CDH18: variants seen among roughly 807,000 people sequenced by gnomAD.
CDH18 encodes cadherin-18.
Under a neutral mutation model 67.9 loss-of-function variants are expected in CDH18, and 31 were observed. The observed-to-expected ratio is 0.46, with a 90% CI of 0.34 to 0.62. CDH18 has a LOEUF of 0.62. Among genes scored for constraint, CDH18 ranks in the 20% least tolerant of loss-of-function variants. The pLI, the probability that CDH18 is intolerant of heterozygous loss-of-function variation, is 0.01. For missense variants in CDH18, 890 were observed against 975.5 expected, an observed-to-expected ratio of 0.91 and a Z score of 1.17; for synonymous variants, 362 against 347.2, an observed-to-expected ratio of 1.04 and a Z score of -0.48.
At chr5:19,586,978 A>G (rs770650529) in intron 7 of CDH18, among the ~76,000 whole-genome samples, 2 of 151,844 alleles carry the variant, frequency 1.3e-5, no homozygotes, top group Non-Finnish European at 2.9e-5. Flanking sequence ...GCTTTTTTTC[A>G]TATGTTTGTT....
rs184513202 is a variant in CDH18 at position 19,516,043 on chromosome 5, G to A, written c.1512+4614C>T. 2.4e-4 allele frequency among the ~76,000 whole-genome samples: 36 copies of A among 152,114 alleles called. No homozygotes were observed. In the East Asian group the frequency reaches 6.4e-3, roughly 27 times the overall value. ...ATTCCATCAATACCTAGTTTATTGA[G>A]AGTTTTTTAGCATGAAGGGCTGTTG... is the stretch of plus-strand genomic sequence containing the variant. On this transcript the variant is annotated intron_variant, in intron 10 of 12. Coordinates refer to ENST00000382275, the MANE Select transcript of CDH18 (RefSeq NM_004934.5).
intron 1 of CDH18, among the ~76,000 whole-genome samples, chr5:20,517,526 G>A (rs1489157513): frequency 1.3e-5 from 2 of 151,762 alleles, no homozygotes; most frequent in Admixed American, 6.6e-5. Context: ...AAAATACAAA[G>A]TAGACAATTA....
chr5:19,597,060 A>G (rs1428278542), intron 6 of CDH18, among the ~76,000 whole-genome samples: 1 of 152,202 alleles, frequency 6.6e-6, no homozygotes, highest in Non-Finnish European at 1.5e-5. Flanking sequence ...TTACAAAAAG[A>G]CTGTGGCTTC....
intron 1 of CDH18, among the ~76,000 whole-genome samples, chr5:20,534,627 G>C (rs1458451703): frequency 2.0e-5 from 3 of 151,882 alleles, no homozygotes; most frequent in Non-Finnish European, 4.4e-5. Flanking sequence ...GATTGAAACA[G>C]ATCTATCCTT....
At chr5:20,325,061 C>T (rs1354216716) in intron 1 of CDH18, among the ~76,000 whole-genome samples, 2 of 152,138 alleles carry the variant, frequency 1.3e-5, no homozygotes, top group Admixed American at 1.3e-4. Context: ...ATGATAATAA[C>T]ACCTAACCCG....
At chr5:20,346,728 G>A (rs1489863287) in intron 1 of CDH18, among the ~76,000 whole-genome samples, 4 of 152,084 alleles carry the variant, frequency 2.6e-5, no homozygotes, top group Non-Finnish European at 5.9e-5. Context: ...AAACAGAAAC[G>A]AGGAGTAGGT....
chr5:19,732,096 T>TA (rs11292049), intron 4 of CDH18, among the ~76,000 whole-genome samples: 19,265 of 142,578 alleles, frequency 0.14, 2,876 homozygotes, highest in African/African-American at 0.36. Context: ...TCTCAAAAAA[T>TA]AAAAAAAAAA....
At chr5:20,424,567 C>G (rs1008489259) in intron 1 of CDH18, among the ~76,000 whole-genome samples, 5 of 149,546 alleles carry the variant, frequency 3.3e-5, no homozygotes, top group Non-Finnish European at 5.9e-5. Flanking sequence ...GCCTGGCCAA[C>G]ACAGCAAAAC....
intron 10 of CDH18, among the ~76,000 whole-genome samples, chr5:19,504,255 C>T (rs192668742): frequency 6.6e-6 from 1 of 152,108 alleles, no homozygotes; most frequent in East Asian, 1.9e-4. Flanking sequence ...GATCAACTTC[C>T]TCATTATGTT....
At chr5:20,056,632 T>C (rs1741997351) in intron 2 of CDH18, among the ~76,000 whole-genome samples, 1 of 149,530 alleles carries the variant, frequency 6.7e-6, no homozygotes, top group Non-Finnish European at 1.5e-5. Flanking sequence ...CTACCCACAG[T>C]TGCTGAGACA....
intron 2 of CDH18, among the ~76,000 whole-genome samples, chr5:20,132,462 A>T (rs977050617): frequency 6.6e-6 from 1 of 152,080 alleles, no homozygotes; most frequent in Admixed American, 6.6e-5. Flanking sequence ...TATTAACTAC[A>T]GTCTATAATT....
rs116311342 is a variant in CDH18 at position 19,570,687 on chromosome 5, G to C, written c.1253+892C>G. Among the ~76,000 whole-genome samples the C allele has an allele frequency of 7.2e-3, 1,089 of 152,078 alleles. 15 individuals carry two copies. Among genetic ancestry groups the C allele is most frequent in the African/African-American group, 0.025 (1,031 of 41,460 alleles). On this transcript the variant is annotated intron_variant, in intron 8 of 12. Coordinates refer to ENST00000382275, the MANE Select transcript of CDH18 (RefSeq NM_004934.5). ...CCAAGAAGTTTTACACATGTATGCA[G>C]CCTTTCTGATTTTGTTATAAATGAG...
At chr5:20,216,891 C>T (rs1029254276) in intron 2 of CDH18, among the ~76,000 whole-genome samples, 5 of 151,690 alleles carry the variant, frequency 3.3e-5, no homozygotes, top group African/African-American at 1.2e-4. Flanking sequence ...AAGAGCAAGG[C>T]AAAAAATAAC....
chr5:19,960,165 G>A (rs1796649295), intron 2 of CDH18, among the ~76,000 whole-genome samples: 1 of 151,800 alleles, frequency 6.6e-6, no homozygotes, highest in South Asian at 2.1e-4. Context: ...AGTTAATTTT[G>A]GCTTACTGTA....
chr5:19,540,334 A>G (rs1445734920), intron 9 of CDH18, among the ~76,000 whole-genome samples: 1 of 152,008 alleles, frequency 6.6e-6, no homozygotes, highest in Non-Finnish European at 1.5e-5. Context: ...AGTTGCTTTC[A>G]GGGCTGGCAT....
intron 1 of CDH18, among the ~76,000 whole-genome samples, chr5:20,378,807 C>T (rs918675449): frequency 3.9e-5 from 6 of 152,066 alleles, no homozygotes; most frequent in South Asian, 2.1e-4. Context: ...GTTCTCAATG[C>T]TTTGGGTCTT....
intron 2 of CDH18, among the ~76,000 whole-genome samples, chr5:19,945,658 G>A (rs186796749): frequency 2.7e-4 from 41 of 152,096 alleles, no homozygotes; most frequent in South Asian, 1.9e-3. Flanking sequence ...GAAAATCTCA[G>A]AAAAATAACA....
intron 3 of CDH18, among the ~76,000 whole-genome samples, chr5:19,775,606 A>G (rs1324113797): frequency 6.6e-6 from 1 of 152,178 alleles, no homozygotes; most frequent in South Asian, 2.1e-4. Context: ...TCAGTAAAAC[A>G]GCACTAAGCC....
chr5:20,182,959 G>T (rs1737812356), intron 2 of CDH18, among the ~76,000 whole-genome samples: 1 of 152,092 alleles, frequency 6.6e-6, no homozygotes, highest in Non-Finnish European at 1.5e-5. Flanking sequence ...AGTTTAACCT[G>T]AAGGGTATAG....
Sources: allele counts gnomAD v4.1 joint callset (sites outside exome capture counted in the v4.1 genomes callset), GRCh38; gene constraint gnomAD v4.1.1; transcripts MANE v1.5; gene names NCBI Gene and HGNC (gene_info 2026-07-23, HGNC 2026-07-21).